The following DDX4 variants were observed in gnomAD, a reference collection of about 807,000 sequenced individuals.
DDX4 encodes the protein probable ATP-dependent RNA helicase DDX4.
Under a neutral mutation model 100.0 loss-of-function variants are expected in DDX4, and 25 were observed. The ratio of observed to expected loss-of-function variants is 0.25; its 90% CI spans 0.18 to 0.35. The LOEUF is 0.35. Among genes scored for constraint, DDX4 ranks in the 10% least tolerant of loss-of-function variants. DDX4 has a pLI of 1.00. For missense variants in DDX4, 635 were observed against 882.4 expected, an observed-to-expected ratio of 0.72 and a Z score of 3.55; for synonymous variants, 259 against 275.7, an observed-to-expected ratio of 0.94 and a Z score of 0.60.
At chr5:55,792,845 A>T (rs772474500) in intron 17 of DDX4, 38 bp downstream of exon 17, 12 of 1,146,236 alleles carry the variant, frequency 1.0e-5, no homozygotes, top group African/African-American at 3.2e-5. Context: ...AATTATATAT[A>T]TATACATACT....
chr5:55,814,168 G>T (rs59586222), intron 19 of DDX4, among the ~76,000 whole-genome samples: 16,491 of 152,054 alleles, frequency 0.11, 1,375 homozygotes, highest in East Asian at 0.29. Flanking sequence ...CCGTTTTATG[G>T]GCACTTCATT....
At chr5:55,784,945 G>A (rs1035000012) in intron 10 of DDX4, among the ~76,000 whole-genome samples, 2 of 152,188 alleles carry the variant, frequency 1.3e-5, no homozygotes, top group Non-Finnish European at 1.5e-5. Flanking sequence ...CCATGAGTAT[G>A]ACTATATTCT....
chr5:55,806,144 T>G (rs1335155785), intron 18 of DDX4, among the ~76,000 whole-genome samples: 2 of 152,246 alleles, frequency 1.3e-5, no homozygotes, highest in Non-Finnish European at 2.9e-5. Flanking sequence ...GATGGTAGTT[T>G]GTATTTCTGT....
rs774381753 is a variant in DDX4, at chr5:55,760,275, G to C, written c.203G>C (p.Arg68Thr). The change falls in exon 4 of 22, where the codon AGA becomes ACA. Residue 68 changes from arginine to threonine, a missense_variant and splice_region_variant. Around this residue, in one of 4 missense-constraint regions of DDX4, gnomAD observed 446 missense variants for 540.8 expected, o/e 0.82. Coordinates refer to ENST00000505374, the MANE Select transcript of DDX4 (RefSeq NM_024415.3). Reference sequence around the variant, plus strand: ...GCCTCTGGGCGGAATTTTGGAAACAGAGGTAAGCATCTTTGTCTTTCCTTA... The same window carrying C: ...GCCTCTGGGCGGAATTTTGGAAACACAGGTAAGCATCTTTGTCTTTCCTTA... Reference protein sequence around the residue: ...GFASGRNFGNRDAGECNKRDN... With the variant: ...GFASGRNFGNTDAGECNKRDN... The C allele has an allele frequency of 8.3e-6, 13 of 1,562,470 alleles. No homozygotes were observed. The South Asian group carries it at 1.3e-4, about 16-fold the overall frequency.
intron 7 of DDX4, among the ~76,000 whole-genome samples, chr5:55,768,579 T>C (rs1741071239): frequency 6.6e-6 from 1 of 152,232 alleles, no homozygotes; most frequent in Non-Finnish European, 1.5e-5. Flanking sequence ...AATAGTGCTG[T>C]GGTGAACATA....
At chr5:55,743,473 A>G in intron 2 of DDX4, among the ~76,000 whole-genome samples, 1 of 152,112 alleles carries the variant, frequency 6.6e-6, no homozygotes, top group Admixed American at 6.6e-5. Flanking sequence ...TCTGTCACCT[A>G]GGCTGGAGTG....
At chr5:55,773,712 C>T (rs1437975067) in intron 7 of DDX4, among the ~76,000 whole-genome samples, 1 of 152,082 alleles carries the variant, frequency 6.6e-6, no homozygotes, top group African/African-American at 2.4e-5. Flanking sequence ...GCAGCCTCAA[C>T]CTCCTAGGCT....
At chr5:55,761,989 G>A (rs1277990536) in intron 4 of DDX4, among the ~76,000 whole-genome samples, 18 of 152,160 alleles carry the variant, frequency 1.2e-4, no homozygotes, top group Admixed American at 1.1e-3. Context: ...ACTCTTCATT[G>A]CTTAAAATAT....
At chr5:55,807,719 T>A (rs888584797) in intron 18 of DDX4, among the ~76,000 whole-genome samples, 1 of 152,206 alleles carries the variant, frequency 6.6e-6, no homozygotes, top group Non-Finnish European at 1.5e-5. Flanking sequence ...CTTCCCTTTG[T>A]GGGTAACCCG....
chr5:55,793,395 T>C (rs1422183978), intron 17 of DDX4, among the ~76,000 whole-genome samples: 1 of 152,192 alleles, frequency 6.6e-6, no homozygotes, highest in Non-Finnish European at 1.5e-5. Context: ...CATAAGATTT[T>C]ATGATTTTTT....
chr5:55,747,617 G>C (rs1759313177), intron 3 of DDX4, among the ~76,000 whole-genome samples: 1 of 152,174 alleles, frequency 6.6e-6, no homozygotes, highest in African/African-American at 2.4e-5. Flanking sequence ...AATGTGTACA[G>C]TTCAGCAGCA....
chr5:55,739,932 A>C (rs1186130504), intron 2 of DDX4, among the ~76,000 whole-genome samples: 1 of 152,108 alleles, frequency 6.6e-6, no homozygotes, highest in Non-Finnish European at 1.5e-5. Context: ...GTAGAGATGA[A>C]GTCTCACTAT....
chr5:55,775,285 G>T (rs764366791), intron 7 of DDX4, among the ~76,000 whole-genome samples: 1 of 151,992 alleles, frequency 6.6e-6, no homozygotes, highest in East Asian at 1.9e-4. Flanking sequence ...TCTTCTTTCC[G>T]ACTATTGTAA....
intron 3 of DDX4, among the ~76,000 whole-genome samples, chr5:55,759,437 C>T (rs1385346377): frequency 6.6e-6 from 1 of 151,342 alleles, no homozygotes; most frequent in Non-Finnish European, 1.5e-5. Flanking sequence ...TATTTAATAG[C>T]TTTTGATTTG....
intron 7 of DDX4, among the ~76,000 whole-genome samples, chr5:55,773,826 A>G (rs1741397904): frequency 6.6e-6 from 1 of 151,878 alleles, no homozygotes; most frequent in Non-Finnish European, 1.5e-5. Flanking sequence ...GTTCCACTAC[A>G]TTGCGCAGGC....
chr5:55,815,497 T>C, intron 21 of DDX4, 74 bp downstream of exon 21: 1 of 1,514,224 alleles, frequency 6.6e-7, no homozygotes, highest in Admixed American at 2.3e-5. Flanking sequence ...TATTGTGAAG[T>C]AACTATAATA....
At chr5:55,763,615 A>T in intron 5 of DDX4, among the ~76,000 whole-genome samples, 1 of 152,146 alleles carries the variant, frequency 6.6e-6, no homozygotes, top group East Asian at 1.9e-4. Flanking sequence ...GGAGAAAATC[A>T]TTGAGTTATT....
intron 4 of DDX4, among the ~76,000 whole-genome samples, chr5:55,761,013 A>G (rs934783600): frequency 6.6e-6 from 1 of 152,188 alleles, no homozygotes; most frequent in East Asian, 1.9e-4. Context: ...GAAAAACTCT[A>G]TTGAGACTTG....
At chr5:55,778,646 C>T (rs1169272809) in intron 7 of DDX4, among the ~76,000 whole-genome samples, 1 of 152,150 alleles carries the variant, frequency 6.6e-6, no homozygotes, top group Non-Finnish European at 1.5e-5. Context: ...GTAATCCCAG[C>T]ACTTTGGGAG....
Sources: gnomAD v4.1 joint callset for allele counts (sites outside exome capture counted in the v4.1 genomes callset) on GRCh38, gnomAD v4.1.1 for gene constraint, gnomAD v4.1.1 regional missense constraint, MANE v1.5 for transcripts, NCBI Gene and HGNC (gene_info 2026-07-23, HGNC 2026-07-21) for gene names.